Variants in RBFOX1 observed in about 807,000 individuals in gnomAD.
RBFOX1 encodes RNA binding protein fox-1 homolog 1.
In RBFOX1, 8 loss-of-function variants were observed where a neutral mutation model predicts 57.7. That is an observed-to-expected ratio of 0.14 (90% CI 0.08 to 0.25). The LOEUF is 0.25. Ranked by LOEUF, RBFOX1 falls within the 10% of genes least tolerant of loss-of-function variation. The pLI is 1.00. For synonymous variants in RBFOX1, 326 were observed against 222.4 expected, an observed-to-expected ratio of 1.47 and a Z score of -4.15; for missense variants, 611 against 548.5, an observed-to-expected ratio of 1.11 and a Z score of -1.14.
At chr16:6,299,237 C>A (rs1031428897) in intron 1 of RBFOX1, among the ~76,000 whole-genome samples, 3 of 152,142 alleles carry the variant, frequency 2.0e-5, no homozygotes, top group Non-Finnish European at 4.4e-5. Flanking sequence ...AAACAGTGGA[C>A]CCTTTTCCTA....
chr16:6,903,704 G>A (rs2069048189), intron 3 of RBFOX1, among the ~76,000 whole-genome samples: 1 of 152,122 alleles, frequency 6.6e-6, no homozygotes, highest in African/African-American at 2.4e-5. Context: ...TTTAAGGGCA[G>A]CAGAGCAAGC....
chr16:7,031,251 A>T (rs2042712979), intron 3 of RBFOX1, among the ~76,000 whole-genome samples: 1 of 152,126 alleles, frequency 6.6e-6, no homozygotes, highest in South Asian at 2.1e-4. Context: ...TTTACTCATG[A>T]TGTCAACTTT....
intron 2 of RBFOX1, among the ~76,000 whole-genome samples, chr16:5,491,370 C>T (rs546054569): frequency 1.3e-5 from 2 of 152,244 alleles, no homozygotes; most frequent in South Asian, 4.1e-4. Flanking sequence ...TTTGGAAATT[C>T]CTATCAATGG....
At chr16:5,753,058 G>A (rs1304145992) in intron 3 of RBFOX1, among the ~76,000 whole-genome samples, 2 of 151,996 alleles carry the variant, frequency 1.3e-5, no homozygotes, top group African/African-American at 4.8e-5. Flanking sequence ...TGCTTGGGAG[G>A]CTGAGGTGGG....
chr16:7,242,008 TC>T (rs1263381841), intron 4 of RBFOX1, among the ~76,000 whole-genome samples: 1 of 152,152 alleles, frequency 6.6e-6, no homozygotes, highest in Non-Finnish European at 1.5e-5. Context: ...GGATTGGTAA[TC>T]CCTTTTTTTG....
intron 3 of RBFOX1, among the ~76,000 whole-genome samples, chr16:6,964,978 A>G (rs566244944): frequency 2.6e-5 from 4 of 152,148 alleles, no homozygotes; most frequent in African/African-American, 9.7e-5. Flanking sequence ...AGTGTGGCCT[A>G]TCCTACGTGC....
In RBFOX1 at chr16:7,121,882, A is replaced by C. The variant is rs555131072; in HGVS notation, c.27+69784A>C. Among the ~76,000 whole-genome samples the C allele has an allele frequency of 9.2e-5, 14 of 152,166 alleles. No individual in the cohort carries two copies. The East Asian group carries it at 2.3e-3, about 25-fold the overall frequency. On this transcript the variant is annotated intron_variant, in intron 4 of 15. Coordinates refer to ENST00000550418, the MANE Select transcript of RBFOX1 (RefSeq NM_018723.4). ...GACTCCAGAAATAGACCCACAAAATATACTTAATTAAATCTTAGAAAAGGT... is the reference window on the plus strand; with the variant it reads ...GACTCCAGAAATAGACCCACAAAATCTACTTAATTAAATCTTAGAAAAGGT...
chr16:6,534,029 G>C (rs1281019395), intron 2 of RBFOX1, among the ~76,000 whole-genome samples: 3 of 152,060 alleles, frequency 2.0e-5, no homozygotes, highest in Non-Finnish European at 4.4e-5. Flanking sequence ...ACAAAGAGCT[G>C]TGGCTCTGGA....
At chr16:5,393,767 C>T (rs948564664) in intron 1 of RBFOX1, among the ~76,000 whole-genome samples, 2 of 152,128 alleles carry the variant, frequency 1.3e-5, no homozygotes, top group African/African-American at 4.8e-5. Flanking sequence ...AGTTCATTGG[C>T]TATAAGTCTG....
chr16:7,692,297 A>G (rs908117810), intron 14 of RBFOX1, among the ~76,000 whole-genome samples: 2 of 152,152 alleles, frequency 1.3e-5, no homozygotes, highest in Non-Finnish European at 2.9e-5. Context: ...TGAATGTGAA[A>G]TTCTAGGGAA....
intron 2 of RBFOX1, among the ~76,000 whole-genome samples, chr16:5,556,308 G>A (rs950822020): frequency 3.3e-5 from 5 of 152,150 alleles, no homozygotes; most frequent in Admixed American, 6.5e-5. Context: ...GTAAACGGTG[G>A]TATTCGTGAT....
chr16:5,349,587 C>T (rs768476147), intron 1 of RBFOX1, among the ~76,000 whole-genome samples: 1 of 136,626 alleles, frequency 7.3e-6, no homozygotes, highest in African/African-American at 2.8e-5. Flanking sequence ...GCAGGAGAAT[C>T]GCTTGAAACA....
chr16:7,098,243 C>T (rs1000007032), intron 4 of RBFOX1, among the ~76,000 whole-genome samples: 1 of 152,202 alleles, frequency 6.6e-6, no homozygotes, highest in Non-Finnish European at 1.5e-5. Context: ...GATCTTGGCC[C>T]ATTACAACCT....
At chr16:7,607,842 C>G (rs2056646485) in intron 10 of RBFOX1, among the ~76,000 whole-genome samples, 1 of 152,200 alleles carries the variant, frequency 6.6e-6, no homozygotes, top group Non-Finnish European at 1.5e-5. Context: ...GTTCATTAAT[C>G]AAATTCCCTT....
chr16:6,917,843 C>T (rs1298458350), intron 3 of RBFOX1, among the ~76,000 whole-genome samples: 1 of 152,146 alleles, frequency 6.6e-6, no homozygotes, highest in Non-Finnish European at 1.5e-5. Flanking sequence ...GAGACATCAT[C>T]CTTTGTCAGA....
rs138995051 is a variant in RBFOX1, at chr16:6,915,269, A to G, written c.-15-136788A>G. ...CTCAGCATTTCTACTAATTCCCTCC[A>G]AGAAGGGCCTGGGATTGTTTCCATT... On this transcript the variant is annotated intron_variant, in intron 3 of 15. Coordinates refer to ENST00000550418, the MANE Select transcript of RBFOX1 (RefSeq NM_018723.4). 5.9e-5 allele frequency among the ~76,000 whole-genome samples: 9 copies of G among 151,976 alleles called. No homozygotes were observed. The South Asian group carries it at 1.9e-3, about 32-fold the overall frequency.
At chr16:7,638,785 C>A (rs2062228581) in intron 11 of RBFOX1, among the ~76,000 whole-genome samples, 3 of 152,112 alleles carry the variant, frequency 2.0e-5, no homozygotes, top group Admixed American at 6.5e-5. Context: ...TCCAATAAAA[C>A]TTTATTTACA....
At chr16:7,163,236 CTTTTGACTATTACG>C (rs1567524808) in intron 4 of RBFOX1, among the ~76,000 whole-genome samples, 1 of 152,076 alleles carries the variant, frequency 6.6e-6, no homozygotes, top group African/African-American at 2.4e-5. Context: ...TGGCCAATTT[CTTTTGACTATTACG>C]TTGTTTGATT....
At chr16:6,213,793 C>A (rs1018598746) in intron 1 of RBFOX1, among the ~76,000 whole-genome samples, 1 of 152,202 alleles carries the variant, frequency 6.6e-6, no homozygotes, top group Non-Finnish European at 1.5e-5. Context: ...CTCAGTCTCT[C>A]ACTCTAAGCC....
Sources: allele counts gnomAD v4.1 joint callset (sites outside exome capture counted in the v4.1 genomes callset), GRCh38; gene constraint gnomAD v4.1.1; transcripts MANE v1.5; gene names NCBI Gene and HGNC (gene_info 2026-07-23, HGNC 2026-07-21).